Variants in PDE4D observed in about 807,000 individuals in gnomAD.
PDE4D encodes the protein 3',5'-cyclic-AMP phosphodiesterase 4D.
Under a neutral mutation model 87.4 loss-of-function variants are expected in PDE4D, and 24 were observed. That is an observed-to-expected ratio of 0.27 (90% CI 0.20 to 0.39). The LOEUF is 0.39. Ranked by LOEUF, PDE4D falls within the 10% of genes least tolerant of loss-of-function variation. The probability of loss-of-function intolerance (pLI) is 1.00; values close to 1 mark genes in which losing one functional copy is unlikely to be tolerated. For synonymous variants in PDE4D, 384 were observed against 383.2 expected, an observed-to-expected ratio of 1.00 and a Z score of -0.02; for missense variants, 714 against 1,041.0, an observed-to-expected ratio of 0.69 and a Z score of 4.32.
At chr5:59,466,400 A>T (rs1363907867) in intron 1 of PDE4D, among the ~76,000 whole-genome samples, 1 of 152,188 alleles carries the variant, frequency 6.6e-6, no homozygotes, top group Admixed American at 6.5e-5. Flanking sequence ...TATTTTCCAC[A>T]AGCCCAAATT....
intron 1 of PDE4D, among the ~76,000 whole-genome samples, chr5:59,512,700 T>G (rs1181539826): frequency 2.0e-5 from 3 of 152,106 alleles, no homozygotes; most frequent in Non-Finnish European, 4.4e-5. Flanking sequence ...AAAGATAATA[T>G]TAACTCAGAA....
At chr5:60,111,231 T>TTGA (rs1317498896) in intron 2 of PDE4D, among the ~76,000 whole-genome samples, 3 of 152,012 alleles carry the variant, frequency 2.0e-5, no homozygotes, top group African/African-American at 4.8e-5. Flanking sequence ...ATTTGATCAT[T>TTGA]ACACATTGTA....
intron 1 of PDE4D, among the ~76,000 whole-genome samples, chr5:59,598,510 C>T (rs1450758657): frequency 1.3e-5 from 2 of 152,102 alleles, no homozygotes; most frequent in Non-Finnish European, 2.9e-5. Flanking sequence ...AATATAAATG[C>T]ACTTTTCTCC....
At chr5:60,136,473 C>T (rs1780059002) in intron 2 of PDE4D, among the ~76,000 whole-genome samples, 1 of 152,076 alleles carries the variant, frequency 6.6e-6, no homozygotes, top group African/African-American at 2.4e-5. Flanking sequence ...TGCCACCATG[C>T]CCAGCTAATT....
At chr5:59,716,929 T>C (rs1181238368) in intron 1 of PDE4D, among the ~76,000 whole-genome samples, 1 of 152,220 alleles carries the variant, frequency 6.6e-6, no homozygotes, top group African/African-American at 2.4e-5. Flanking sequence ...CACTCTAATT[T>C]TGGACTTGTT....
chr5:60,200,381 A>T (rs988347728), intron 1 of PDE4D, among the ~76,000 whole-genome samples: 1 of 151,566 alleles, frequency 6.6e-6, no homozygotes, highest in African/African-American at 2.4e-5. Context: ...GAGGAGAAAA[A>T]CAGTTCTGAT....
At chr5:59,669,427 C>A (rs1447382006) in intron 1 of PDE4D, among the ~76,000 whole-genome samples, 1 of 152,084 alleles carries the variant, frequency 6.6e-6, no homozygotes, top group Non-Finnish European at 1.5e-5. Flanking sequence ...TCCCTCTATT[C>A]TAATGTAAAT....
intron 3 of PDE4D, among the ~76,000 whole-genome samples, chr5:59,903,313 G>A (rs1752477544): frequency 6.6e-6 from 1 of 151,814 alleles, no homozygotes; most frequent in Non-Finnish European, 1.5e-5. Flanking sequence ...AGGCAAGAGA[G>A]GAGAATTACT....
chr5:59,233,722 G>C (rs908630566), intron 1 of PDE4D, among the ~76,000 whole-genome samples: 1 of 152,090 alleles, frequency 6.6e-6, no homozygotes, highest in African/African-American at 2.4e-5. Context: ...TCTGGTGTAA[G>C]AAATATTTCA....
chr5:60,041,972 G>A (rs1768563851), intron 2 of PDE4D, among the ~76,000 whole-genome samples: 1 of 151,836 alleles, frequency 6.6e-6, no homozygotes, highest in African/African-American at 2.4e-5. Context: ...TCACAACTGT[G>A]GAAAGGGGGC....
intron 1 of PDE4D, among the ~76,000 whole-genome samples, chr5:60,331,845 G>A (rs2149871148): frequency 6.6e-6 from 1 of 152,268 alleles, no homozygotes; most frequent in South Asian, 2.1e-4. Context: ...TTCACTGATT[G>A]TGTTTCTACA....
At chr5:58,996,308 A>T (rs1749215631) in intron 6 of PDE4D, among the ~76,000 whole-genome samples, 1 of 152,212 alleles carries the variant, frequency 6.6e-6, no homozygotes, top group African/African-American at 2.4e-5. Flanking sequence ...TGCTTTACAG[A>T]TAAATTCACA....
chr5:59,456,135 GAT>G (rs1160482512), intron 1 of PDE4D, among the ~76,000 whole-genome samples: 1 of 152,106 alleles, frequency 6.6e-6, no homozygotes, highest in Non-Finnish European at 1.5e-5. Context: ...GAAATGTGAG[GAT>G]ATGAGATTTG....
chr5:60,395,519 A>G (rs1376510713), intron 1 of PDE4D, among the ~76,000 whole-genome samples: 1 of 152,150 alleles, frequency 6.6e-6, no homozygotes, highest in African/African-American at 2.4e-5. Context: ...ATCAAAGACC[A>G]CAACATAAAA....
intron 1 of PDE4D, among the ~76,000 whole-genome samples, chr5:59,313,804 A>G (rs373727983): frequency 3.3e-5 from 5 of 152,160 alleles, no homozygotes; most frequent in Non-Finnish European, 5.9e-5. Flanking sequence ...TGATGGATCT[A>G]CAAAATCTCA....
At chr5:59,646,355 G>A (rs1478792784) in intron 1 of PDE4D, among the ~76,000 whole-genome samples, 2 of 152,176 alleles carry the variant, frequency 1.3e-5, no homozygotes, top group African/African-American at 2.4e-5. Context: ...GGATATAAAT[G>A]TATTAGCCGA....
At chr5:59,408,285 A>G (rs1042451174) in intron 1 of PDE4D, among the ~76,000 whole-genome samples, 5 of 152,128 alleles carry the variant, frequency 3.3e-5, no homozygotes, top group African/African-American at 1.2e-4. Flanking sequence ...TCAGGTTGCC[A>G]CTCTGGAGCA....
chr5:59,815,253 T>C (rs1031879300), intron 1 of PDE4D, among the ~76,000 whole-genome samples: 3 of 152,122 alleles, frequency 2.0e-5, no homozygotes, highest in Non-Finnish European at 2.9e-5. Context: ...GGAGGAAAGG[T>C]CAATCTCTGA....
At chr5:59,675,740 A>G (rs1016292655) in intron 1 of PDE4D, among the ~76,000 whole-genome samples, 2 of 150,824 alleles carry the variant, frequency 1.3e-5, no homozygotes, top group African/African-American at 5.0e-5. Flanking sequence ...CCCAGGCTGG[A>G]GTGCAGTGGC....
Sources: gnomAD v4.1 joint callset for allele counts (sites outside exome capture counted in the v4.1 genomes callset) on GRCh38, gnomAD v4.1.1 for gene constraint, MANE v1.5 for transcripts, NCBI Gene and HGNC (gene_info 2026-07-23, HGNC 2026-07-21) for gene names.